PLA2R1: variants seen among roughly 807,000 people sequenced by gnomAD.
PLA2R1 encodes the protein phospholipase A2 receptor 1, also known as secretory phospholipase A2 receptor.
PLA2R1 carries 158 observed loss-of-function variants against 195.9 expected under a neutral mutation model. That is an observed-to-expected ratio of 0.81 (90% CI 0.71 to 0.92). PLA2R1 has a LOEUF of 0.92. PLA2R1 is among the 40% of genes least tolerant of loss of function. The pLI is 0.00. For synonymous variants in PLA2R1, 586 were observed against 598.2 expected (o/e 0.98, Z 0.30); for missense variants, 1,626 against 1,764.6 (o/e 0.92, Z 1.41).
rs751061892 is a variant in PLA2R1, at chr2:159,949,680, C to T, written c.3637G>A (p.Asp1213Asn). 19 of 1,613,818 alleles carry T rather than the reference C, an allele frequency of 1.2e-5. No individual in the cohort carries two copies. Among genetic ancestry groups the T allele is most frequent in the African/African-American group, 8.0e-5 (6 of 74,904 alleles). ...SSLLGDCVFA[D>N]SNGRWHSTAC... Reference sequence around the variant, plus strand: ...GTGCTATGCCAGCGTCCGTTGCTGTCGGCAAAAACGCAGTCACCAAGGAGG... The same window carrying T: ...GTGCTATGCCAGCGTCCGTTGCTGTTGGCAAAAACGCAGTCACCAAGGAGG... Residue 1213 changes from aspartate (D) to asparagine (N), a missense_variant, in exon 25 of 30, where the codon GAC becomes AAC. Coordinates refer to ENST00000283243, the MANE Select transcript of PLA2R1 (RefSeq NM_007366.5).
intron 7 of PLA2R1, among the ~76,000 whole-genome samples, chr2:160,020,518 CTCT>C: frequency 6.6e-6 from 1 of 152,100 alleles, no homozygotes; most frequent in East Asian, 1.9e-4. Context: ...AGAAGGAGGC[CTCT>C]AAGGGGTGAA....
At chr2:160,025,061 C>T (rs962790948) in intron 6 of PLA2R1, among the ~76,000 whole-genome samples, 2 of 152,184 alleles carry the variant, frequency 1.3e-5, no homozygotes, top group African/African-American at 2.4e-5. Flanking sequence ...AAGTTACAGC[C>T]GTGCCCTGTT....
At chr2:159,983,901 A>C (rs1264781965) in intron 13 of PLA2R1, 27 bp downstream of exon 13, 1 of 1,317,946 alleles carries the variant, frequency 7.6e-7, no homozygotes, top group African/African-American at 1.5e-5. Context: ...ATTTGACTGT[A>C]ATTTTTCATA....
intron 24 of PLA2R1, 86 bp from the exon 25 acceptor site, chr2:159,949,862 C>G (rs761994311): frequency 1.0e-5 from 11 of 1,052,290 alleles, no homozygotes; most frequent in Non-Finnish European, 1.4e-5. Flanking sequence ...ACAATTCCCA[C>G]ATCGATTGCT....
At chr2:159,971,443 T>C (rs1689169944) in intron 17 of PLA2R1, among the ~76,000 whole-genome samples, 1 of 152,156 alleles carries the variant, frequency 6.6e-6, no homozygotes, top group South Asian at 2.1e-4. Flanking sequence ...ATTAAAGCAC[T>C]ATGTGCATGC....
chr2:160,057,622 A>G (rs1559031998), intron 1 of PLA2R1, among the ~76,000 whole-genome samples: 2 of 152,196 alleles, frequency 1.3e-5, no homozygotes, highest in Non-Finnish European at 2.9e-5. Flanking sequence ...CCTCCTCTGC[A>G]TGCCTTCAGC....
At chr2:160,029,287 T>G (rs1167559756) in intron 4 of PLA2R1, among the ~76,000 whole-genome samples, 1 of 151,988 alleles carries the variant, frequency 6.6e-6, no homozygotes, top group Admixed American at 6.6e-5. Flanking sequence ...AACTTAAAGG[T>G]TTAATAGGGT....
chr2:160,013,886 T>C (rs1163346873), intron 9 of PLA2R1, among the ~76,000 whole-genome samples: 3 of 152,128 alleles, frequency 2.0e-5, no homozygotes, highest in South Asian at 2.1e-4. Flanking sequence ...TTTAATATCA[T>C]AGTTTTTTCA....
chr2:159,972,252 A>G (rs1273701797), intron 17 of PLA2R1, among the ~76,000 whole-genome samples: 2 of 152,214 alleles, frequency 1.3e-5, no homozygotes, highest in Non-Finnish European at 2.9e-5. Flanking sequence ...AGATGCTAGA[A>G]GATACCCAGA....
intron 1 of PLA2R1, among the ~76,000 whole-genome samples, chr2:160,048,362 A>G (rs1695012291): frequency 6.6e-6 from 1 of 152,244 alleles, no homozygotes; most frequent in East Asian, 1.9e-4. Flanking sequence ...ATAGGCAAGT[A>G]GCTCTGGTTC....
Position 160,062,493 on chromosome 2 carries a change from C to A in PLA2R1, c.-90G>T, listed in dbSNP as rs1277696163. On this transcript the variant is annotated 5_prime_UTR_variant, in exon 1 of 30. Coordinates refer to ENST00000283243, the MANE Select transcript of PLA2R1 (RefSeq NM_007366.5). ...CCGCGTCCCAAGCACCCGGCCCCGCCGCGCGGAAGCGGATCCGTAGCCTCC... is the reference window on the plus strand; with the variant it reads ...CCGCGTCCCAAGCACCCGGCCCCGCAGCGCGGAAGCGGATCCGTAGCCTCC... The A allele has an allele frequency of 8.4e-6, 12 of 1,428,378 alleles. No individual in the cohort carries two copies. Among genetic ancestry groups the A allele is most frequent in the Non-Finnish European group, 1.1e-5 (12 of 1,096,130 alleles). The allele number at this position is 1,428,378 out of a possible 1,614,324, so 88.5% of individuals were successfully genotyped here.
In PLA2R1 at chr2:159,976,214, G is replaced by C; in HGVS notation, c.2449C>G (p.Leu817Val). 1 of 1,605,540 alleles carries C rather than the reference G, an allele frequency of 6.2e-7. No individual in the cohort carries two copies. ...AGGTATTCTGCATCCTGATAAAAGA[G>C]CCAGGGTACATCTGAAAAAGAAACA... is the stretch of plus-strand genomic sequence containing the variant. ...PFWYQYDVPW[L>V]FYQDAEYLFH... is the part of the protein sequence containing the mutation. The change falls in exon 17 of 30, where the codon CTC becomes GTC. Residue 817 changes from leucine to valine, a missense_variant. By Grantham distance (32) the Leu-to-Val change is conservative (BLOSUM62 1). Transcript: ENST00000283243.
intron 17 of PLA2R1, among the ~76,000 whole-genome samples, chr2:159,973,269 T>C (rs1164055614): frequency 6.6e-6 from 1 of 152,128 alleles, no homozygotes; most frequent in Non-Finnish European, 1.5e-5. Flanking sequence ...CAACAATAAG[T>C]GCCCAAGGTA....
chr2:159,978,397 A>ATGTTTTT (rs1689720687), intron 14 of PLA2R1, among the ~76,000 whole-genome samples: 1 of 152,222 alleles, frequency 6.6e-6, no homozygotes, highest in African/African-American at 2.4e-5. Flanking sequence ...GTACACTGTC[A>ATGTTTTT]CGTAATAATT....
chr2:159,955,763 A>T lies in PLA2R1; in HGVS notation c.3088T>A (p.Tyr1030Asn), dbSNP rs767628720. The part of the protein sequence containing the change: ...SVWIGLQNDD[Y>N]ETWLNGKPVV... ...GGCTTTCCATTTAGCCATGTTTCAT[A>T]ATCATCATTTTGTAAACCTATCCAC... is the stretch of plus-strand genomic sequence containing the variant. Residue 1030 changes from tyrosine (Y) to asparagine (N), a missense_variant, in exon 22 of 30, where the codon TAT (tyrosine) becomes AAT (asparagine). Physicochemically the swap from Tyr to Asn is moderately radical, Grantham distance 143. Transcript: ENST00000283243. 1 of 1,589,378 alleles carries T rather than the reference A, an allele frequency of 6.3e-7. No homozygotes were observed. Among genetic ancestry groups the T allele is most frequent in the Admixed American group, 1.7e-5 (1 of 59,034 alleles).
chr2:159,977,035 C>G (rs1343705501), intron 15 of PLA2R1, among the ~76,000 whole-genome samples: 1 of 152,216 alleles, frequency 6.6e-6, no homozygotes, highest in Non-Finnish European at 1.5e-5. Context: ...TGACATTTTT[C>G]CCCGACTATA....
At chr2:160,017,346 T>TG (rs1692834229) in intron 8 of PLA2R1, among the ~76,000 whole-genome samples, 1 of 152,174 alleles carries the variant, frequency 6.6e-6, no homozygotes, top group South Asian at 2.1e-4. Context: ...GCTGCTGGTC[T>TG]GGGGGTCACA....
chr2:159,963,271 T>G (rs965905332), intron 20 of PLA2R1, among the ~76,000 whole-genome samples: 1 of 152,186 alleles, frequency 6.6e-6, no homozygotes, highest in Admixed American at 6.6e-5. Flanking sequence ...ATATAAATGC[T>G]AAAACCATGA....
chr2:159,962,041 AATT>A (rs1256747832), intron 20 of PLA2R1, among the ~76,000 whole-genome samples: 1 of 152,208 alleles, frequency 6.6e-6, no homozygotes, highest in Non-Finnish European at 1.5e-5. Context: ...AATGGGATCT[AATT>A]AAATTAAAGA....
Sources: gnomAD v4.1 joint callset for allele counts (sites outside exome capture counted in the v4.1 genomes callset) on GRCh38, gnomAD v4.1.1 for gene constraint, MANE v1.5 for transcripts, NCBI Gene and HGNC (gene_info 2026-07-23, HGNC 2026-07-21) for gene names.